The following SPAG16 variants were observed in gnomAD, a reference collection of about 807,000 sequenced individuals.
SPAG16 encodes sperm associated antigen 16.
SPAG16 carries 86 observed loss-of-function variants against 80.4 expected under a neutral mutation model. The observed-to-expected ratio is 1.07, with a 90% confidence interval of 0.90 to 1.28. SPAG16 has a LOEUF of 1.28. Among genes scored for constraint, SPAG16 ranks in the 50% most tolerant of loss-of-function variants. SPAG16 has a pLI of 0.00. For synonymous variants in SPAG16, 294 were observed against 265.9 expected (o/e 1.11, Z -1.03); for missense variants, 870 against 765.3 (o/e 1.14, Z -1.61).
intron 14 of SPAG16, 45 bp downstream of exon 14, chr2:214,108,306 T>A (rs1365205212): frequency 6.9e-7 from 1 of 1,443,372 alleles, no homozygotes. Context: ...GCTTCATATA[T>A]ACAAATTCAT....
chr2:214,040,350 G>A (rs2048940863), intron 13 of SPAG16, among the ~76,000 whole-genome samples: 1 of 152,120 alleles, frequency 6.6e-6, no homozygotes, highest in Non-Finnish European at 1.5e-5. Flanking sequence ...TTGTTACATA[G>A]GTATACTTGT....
At chr2:214,196,321 A>G (rs992949639) in intron 15 of SPAG16, among the ~76,000 whole-genome samples, 5 of 152,026 alleles carry the variant, frequency 3.3e-5, no homozygotes, top group Admixed American at 6.6e-5. Flanking sequence ...GCATGAAAGA[A>G]TTTCTTGTCT....
chr2:213,691,264 G>GAGC (rs2064934195), intron 10 of SPAG16, among the ~76,000 whole-genome samples: 1 of 152,138 alleles, frequency 6.6e-6, no homozygotes, highest in East Asian at 1.9e-4. Context: ...CCCTGACTTG[G>GAGC]AGCCAATAGA....
At chr2:214,161,070 G>A (rs1377176663) in intron 15 of SPAG16, among the ~76,000 whole-genome samples, 1 of 152,022 alleles carries the variant, frequency 6.6e-6, no homozygotes, top group Admixed American at 6.6e-5. Flanking sequence ...TTCTGTTCCT[G>A]CATTAGTTTG....
chr2:214,001,398 A>G (rs1173438858), intron 12 of SPAG16, among the ~76,000 whole-genome samples: 1 of 152,252 alleles, frequency 6.6e-6, no homozygotes. Context: ...ATTTAACTGC[A>G]GAACATTAAA....
intron 10 of SPAG16, among the ~76,000 whole-genome samples, chr2:213,721,946 T>G (rs528933519): frequency 1.3e-5 from 2 of 152,214 alleles, no homozygotes; most frequent in Non-Finnish European, 2.9e-5. Context: ...TACAAGTGCT[T>G]TATTTTAAAG....
intron 14 of SPAG16, among the ~76,000 whole-genome samples, chr2:214,133,347 C>G (rs2054881663): frequency 6.6e-6 from 1 of 152,006 alleles, no homozygotes; most frequent in Non-Finnish European, 1.5e-5. Flanking sequence ...AAAATCACCT[C>G]TATTTGAGAA....
At chr2:213,880,562 A>G (rs1170718279) in intron 11 of SPAG16, among the ~76,000 whole-genome samples, 6 of 152,168 alleles carry the variant, frequency 3.9e-5, no homozygotes, top group Admixed American at 6.5e-5. Flanking sequence ...GCTGATGTCA[A>G]GAATGGTATT....
intron 13 of SPAG16, among the ~76,000 whole-genome samples, chr2:214,106,261 TA>T (rs1244956205): frequency 3.3e-5 from 5 of 152,148 alleles, no homozygotes; most frequent in Admixed American, 6.6e-5. Flanking sequence ...TAAGATAATA[TA>T]AAAAACTATG....
At chr2:213,574,243 A>G (rs558491838) in intron 10 of SPAG16, among the ~76,000 whole-genome samples, 5 of 152,156 alleles carry the variant, frequency 3.3e-5, no homozygotes, top group Non-Finnish European at 7.4e-5. Context: ...CTGGGACTAT[A>G]TACAATCAAA....
At chr2:213,531,694 T>C (rs939555359) in intron 10 of SPAG16, among the ~76,000 whole-genome samples, 14 of 152,308 alleles carry the variant, frequency 9.2e-5, no homozygotes, top group African/African-American at 2.9e-4. Context: ...TTTTTCTGTT[T>C]GATATAATGA....
rs924161550 is a variant in SPAG16 at position 214,355,243 on chromosome 2, A to C, written c.1721-54897A>C. Among the ~76,000 whole-genome samples the C allele has an allele frequency of 2.2e-3, 322 of 145,058 alleles. 3 individuals carry two copies. Among genetic ancestry groups the C allele is most frequent in the African/African-American group, 6.2e-3 (253 of 40,720 alleles). On this transcript the variant is annotated intron_variant, in intron 15 of 15. Transcript: ENST00000331683. Reference sequence around the variant, plus strand: ...ATCAGAGTGAACAGGCAACCTACAAAATGGGAGAAAATTTTCGCAACCTAC... The same window carrying C: ...ATCAGAGTGAACAGGCAACCTACAACATGGGAGAAAATTTTCGCAACCTAC...
rs146923943 is a variant in SPAG16, at chr2:213,696,813, C to G, written c.1071-165672C>G. On this transcript the variant is annotated intron_variant, in intron 10 of 15. Transcript: ENST00000331683. Reference sequence around the variant, plus strand: ...TGAGGAGAGAATGGGAGGTAAACAACAGGAGACAGAGACAACAGACAACTC... The same window carrying G: ...TGAGGAGAGAATGGGAGGTAAACAAGAGGAGACAGAGACAACAGACAACTC... 2.5e-3 allele frequency among the ~76,000 whole-genome samples: 384 copies of G among 152,196 alleles called. 6 individuals are homozygous for G. Among genetic ancestry groups the G allele is most frequent in the East Asian group, 0.019 (96 of 5,178 alleles).
chr2:213,304,285 C>T, intron 3 of SPAG16, among the ~76,000 whole-genome samples: 1 of 152,024 alleles, frequency 6.6e-6, no homozygotes, highest in Non-Finnish European at 1.5e-5. Context: ...AATCCCTTTT[C>T]AGATGGATAG....
At chr2:214,114,024 T>C (rs191205458) in intron 14 of SPAG16, among the ~76,000 whole-genome samples, 1 of 151,314 alleles carries the variant, frequency 6.6e-6, no homozygotes, top group Non-Finnish European at 1.5e-5. Context: ...GATGTCCTTT[T>C]TCTTGATGTT....
At chr2:213,571,804 G>C (rs1182485705) in intron 10 of SPAG16, among the ~76,000 whole-genome samples, 1 of 89,586 alleles carries the variant, frequency 1.1e-5, no homozygotes, top group Non-Finnish European at 2.0e-5. Context: ...GATTGGGGAA[G>C]TTCTCCTGGA....
intron 10 of SPAG16, among the ~76,000 whole-genome samples, chr2:213,605,736 G>A (rs895443182): frequency 2.0e-5 from 3 of 152,080 alleles, no homozygotes; most frequent in East Asian, 1.9e-4. Context: ...TGATCGGCCT[G>A]CCTCGGCCTC....
chr2:214,179,478 G>A (rs2057240056), intron 15 of SPAG16, among the ~76,000 whole-genome samples: 1 of 151,362 alleles, frequency 6.6e-6, no homozygotes, highest in Non-Finnish European at 1.5e-5. Context: ...TCTCAGAGGA[G>A]CATTCCCTCT....
At chr2:213,407,715 AAGAGAGACAGGAGAG>A (rs1419648027) in intron 9 of SPAG16, among the ~76,000 whole-genome samples, 6 of 130,630 alleles carry the variant, frequency 4.6e-5, no homozygotes, top group South Asian at 2.5e-4. Context: ...AGACAGAGGA[AAGAGAGACAGGAGAG>A]AGAGAGACAG....
Sources: allele counts gnomAD v4.1 joint callset (sites outside exome capture counted in the v4.1 genomes callset), GRCh38; gene constraint gnomAD v4.1.1; transcripts MANE v1.5; gene names NCBI Gene and HGNC (gene_info 2026-07-23, HGNC 2026-07-21).